The following DCDC1 variants were observed in gnomAD, a reference collection of about 807,000 sequenced individuals.
DCDC1 encodes doublecortin domain containing 1, also known as doublecortin domain-containing protein 1.
A neutral mutation model predicts 178.3 loss-of-function variants in DCDC1; 200 were observed. The ratio of observed to expected loss-of-function variants is 1.12; its 90% CI spans 1.00 to 1.26. The LOEUF is 1.26. DCDC1 is among the 50% of genes most tolerant of loss of function. The pLI is 0.00. For missense variants in DCDC1, 1,983 were observed against 1,749.2 expected, an observed-to-expected ratio of 1.13 and a Z score of -2.38; for synonymous variants, 690 against 604.8, an observed-to-expected ratio of 1.14 and a Z score of -2.07.
intron 27 of DCDC1, among the ~76,000 whole-genome samples, chr11:30,913,578 C>T (rs1308644371): frequency 6.6e-6 from 1 of 152,172 alleles, no homozygotes; most frequent in Non-Finnish European, 1.5e-5. Flanking sequence ...ATCTCCCTTC[C>T]ACTAACTGCC....
chr11:31,213,110 T>C (rs1176829074), intron 9 of DCDC1, among the ~76,000 whole-genome samples: 2 of 36,310 alleles, frequency 5.5e-5, no homozygotes, highest in African/African-American at 2.0e-4. Flanking sequence ...CCTCTCTCTC[T>C]CTCTCTCTCT....
At chr11:31,119,911 G>A (rs960186332) in intron 11 of DCDC1, among the ~76,000 whole-genome samples, 3 of 152,152 alleles carry the variant, frequency 2.0e-5, no homozygotes, top group African/African-American at 7.2e-5. Flanking sequence ...TCTGTTCATA[G>A]TGTTGTCATA....
At chr11:30,988,755 A>C (rs1950805771) in intron 20 of DCDC1, among the ~76,000 whole-genome samples, 2 of 152,238 alleles carry the variant, frequency 1.3e-5, no homozygotes, top group South Asian at 4.1e-4. Flanking sequence ...TGTTTTAAGA[A>C]AGTTTACAAA....
chr11:31,052,361 T>C (rs1955314314), intron 20 of DCDC1, among the ~76,000 whole-genome samples: 1 of 152,082 alleles, frequency 6.6e-6, no homozygotes, highest in Non-Finnish European at 1.5e-5. Flanking sequence ...GAACAATTAG[T>C]AAGAGTCCTA....
intron 29 of DCDC1, among the ~76,000 whole-genome samples, chr11:30,907,405 C>T (rs1259092851): frequency 6.6e-6 from 1 of 152,126 alleles, no homozygotes; most frequent in Non-Finnish European, 1.5e-5. Context: ...AGTTTTGGTC[C>T]TCCAATCGGG....
At chr11:31,314,206 T>A (rs2137688223) in intron 3 of DCDC1, among the ~76,000 whole-genome samples, 1 of 152,332 alleles carries the variant, frequency 6.6e-6, no homozygotes, top group African/African-American at 2.4e-5. Flanking sequence ...CATTGCATTA[T>A]TTAATCTTTT....
intron 2 of DCDC1, among the ~76,000 whole-genome samples, chr11:31,329,225 G>A (rs549914119): frequency 6.6e-6 from 1 of 152,008 alleles, no homozygotes. Flanking sequence ...GAAGCCAAAA[G>A]AGATGAAAGC....
chr11:31,354,998 G>GTT (rs1951263526), intron 1 of DCDC1, among the ~76,000 whole-genome samples: 1 of 151,828 alleles, frequency 6.6e-6, no homozygotes, highest in Non-Finnish European at 1.5e-5. Flanking sequence ...GTGTTGCACT[G>GTT]GGACAACAGT....
intron 15 of DCDC1, among the ~76,000 whole-genome samples, chr11:31,101,592 A>T (rs993954208): frequency 1.3e-5 from 2 of 152,186 alleles, no homozygotes; most frequent in African/African-American, 4.8e-5. Flanking sequence ...TAACAGTACA[A>T]AGAAAATATG....
rs925560425 is a variant in DCDC1 at position 30,959,520 on chromosome 11, T to C, written c.2592-6952A>G. The stretch of plus-strand genomic sequence containing the variant: ...AGCTTCCTTCATACCCACTGAACTA[T>C]GGAATGCTCATGGGTATGGAGTGTT... On this transcript the variant is annotated intron_variant, in intron 20 of 38. Transcript: ENST00000684477. Among the ~76,000 whole-genome samples, 4 of 152,164 alleles carry C rather than the reference T, an allele frequency of 2.6e-5. No homozygotes were observed. The East Asian group carries it at 5.8e-4, about 22-fold the overall frequency.
Position 30,965,186 on chromosome 11 carries a change from T to G in DCDC1, c.2592-12618A>C, listed in dbSNP as rs570206251. On this transcript the variant is annotated intron_variant, in intron 20 of 38. Transcript: ENST00000684477. ...ACAGGCGAAAGCCAACACATAGGTG[T>G]ACACACATAACTTAAACTCAAGAAT... is the stretch of plus-strand genomic sequence containing the variant. Among the ~76,000 whole-genome samples the G allele has an allele frequency of 5.3e-5, 8 of 152,284 alleles. No homozygotes were observed. In the East Asian group the frequency reaches 7.7e-4, roughly 15 times the overall value.
intron 21 of DCDC1, among the ~76,000 whole-genome samples, chr11:30,946,048 C>T (rs2134431599): frequency 1.3e-5 from 2 of 152,272 alleles, no homozygotes; most frequent in East Asian, 3.9e-4. Flanking sequence ...CAGAGATACA[C>T]TTTTCCCCCT....
intron 15 of DCDC1, among the ~76,000 whole-genome samples, chr11:31,099,391 T>G (rs908176104): frequency 6.6e-6 from 1 of 152,204 alleles, no homozygotes; most frequent in African/African-American, 2.4e-5. Flanking sequence ...CAATGGCTCC[T>G]TGCTTTCTAC....
intron 1 of DCDC1, among the ~76,000 whole-genome samples, chr11:31,365,901 A>C (rs1951933195): frequency 6.6e-6 from 1 of 152,190 alleles, no homozygotes; most frequent in South Asian, 2.1e-4. Flanking sequence ...TTTCCAATTC[A>C]ATTGTTTCTT....
chr11:30,976,537 TAA>T (rs375485167), intron 20 of DCDC1, among the ~76,000 whole-genome samples: 3 of 142,956 alleles, frequency 2.1e-5, no homozygotes, highest in African/African-American at 2.5e-5. Flanking sequence ...TGAATAGACT[TAA>T]AAAAAAAAAG....
chr11:31,025,427 T>A (rs1226497315), intron 20 of DCDC1, among the ~76,000 whole-genome samples: 1 of 151,810 alleles, frequency 6.6e-6, no homozygotes, highest in African/African-American at 2.4e-5. Flanking sequence ...AAACATCCAT[T>A]ACTATTAATA....
chr11:31,334,685 C>G (rs182425842), intron 2 of DCDC1, among the ~76,000 whole-genome samples: 1 of 152,124 alleles, frequency 6.6e-6, no homozygotes, highest in Non-Finnish European at 1.5e-5. Flanking sequence ...CACTCCAGAC[C>G]ATGTTTGCCT....
chr11:31,369,119 C>G (rs2133449658), intron 1 of DCDC1, among the ~76,000 whole-genome samples: 1 of 152,190 alleles, frequency 6.6e-6, no homozygotes, highest in Middle Eastern at 3.4e-3. Flanking sequence ...TTGTTCTGCC[C>G]CTACCCAACT....
At chr11:31,175,415 G>C (rs1196656941) in intron 9 of DCDC1, among the ~76,000 whole-genome samples, 1 of 152,116 alleles carries the variant, frequency 6.6e-6, no homozygotes, top group African/African-American at 2.4e-5. Context: ...AGGAACAGGG[G>C]GACCTGTATA....
Sources: allele counts gnomAD v4.1 joint callset (sites outside exome capture counted in the v4.1 genomes callset), GRCh38; gene constraint gnomAD v4.1.1; transcripts MANE v1.5; gene names NCBI Gene and HGNC (gene_info 2026-07-23, HGNC 2026-07-21).